The following KCND2 variants were observed in gnomAD, a reference collection of about 807,000 sequenced individuals.
KCND2 encodes the protein potassium voltage-gated channel subfamily D member 2, also known as A-type voltage-gated potassium channel KCND2.
Under a neutral mutation model 54.4 loss-of-function variants are expected in KCND2, and 16 were observed. The ratio of observed to expected loss-of-function variants is 0.29; its 90% CI spans 0.20 to 0.45. The LOEUF is 0.45. Ranked by LOEUF, KCND2 falls within the 20% of genes least tolerant of loss-of-function variation. The pLI is 1.00. For synonymous variants in KCND2, 317 were observed against 310.7 expected (o/e 1.02, Z -0.21); for missense variants, 486 against 824.2 (o/e 0.59, Z 5.02).
chr7:120,507,887 G>A (rs780737601), intron 1 of KCND2, among the ~76,000 whole-genome samples: 1 of 151,124 alleles, frequency 6.6e-6, no homozygotes, highest in African/African-American at 2.4e-5. Context: ...GATTTTTATG[G>A]CATTTCATAA....
intron 1 of KCND2, among the ~76,000 whole-genome samples, chr7:120,711,502 A>G (rs1158498561): frequency 2.6e-5 from 4 of 152,178 alleles, no homozygotes; most frequent in Non-Finnish European, 4.4e-5. Context: ...GTTGAAAGAT[A>G]ATATATTCCC....
At chr7:120,657,093 G>A (rs1181356729) in intron 1 of KCND2, among the ~76,000 whole-genome samples, 2 of 152,204 alleles carry the variant, frequency 1.3e-5, no homozygotes, top group Admixed American at 1.3e-4. Flanking sequence ...TGTTTTGGGG[G>A]AGTTATTCAT....
Position 120,553,406 on chromosome 7 carries a change from A to G in KCND2, c.1116-179497A>G, listed in dbSNP as rs540076888. On this transcript the variant is annotated intron_variant, in intron 1 of 5. Transcript: ENST00000331113. Reference sequence around the variant, plus strand: ...GATAGATAAAGAGACAAATAATCACATTTTTCTTATCCATTCATCCACTGA... The same window carrying G: ...GATAGATAAAGAGACAAATAATCACGTTTTTCTTATCCATTCATCCACTGA... Among the ~76,000 whole-genome samples the G allele has an allele frequency of 6.6e-5, 10 of 152,312 alleles. 1 individual carries two copies. In the South Asian group the frequency reaches 2.1e-3, roughly 32 times the overall value.
intron 1 of KCND2, among the ~76,000 whole-genome samples, chr7:120,308,457 A>G (rs1402458551): frequency 6.6e-6 from 1 of 152,172 alleles, no homozygotes; most frequent in Non-Finnish European, 1.5e-5. Context: ...GGATTTTACA[A>G]TTATTTTTAA....
intron 1 of KCND2, among the ~76,000 whole-genome samples, chr7:120,303,932 T>G (rs1799617366): frequency 6.6e-6 from 1 of 152,226 alleles, no homozygotes; most frequent in South Asian, 2.1e-4. Flanking sequence ...TTTAGCCACG[T>G]GACCAGCATA....
chr7:120,645,271 G>C (rs1793425006), intron 1 of KCND2, among the ~76,000 whole-genome samples: 1 of 152,082 alleles, frequency 6.6e-6, no homozygotes, highest in South Asian at 2.1e-4. Flanking sequence ...CACGTGTCTT[G>C]TGGCATGTTA....
At chr7:120,581,903 A>G (rs1023685095) in intron 1 of KCND2, among the ~76,000 whole-genome samples, 3 of 152,000 alleles carry the variant, frequency 2.0e-5, no homozygotes, top group Non-Finnish European at 4.4e-5. Context: ...TAATAGAGAC[A>G]GGGTTTCACC....
intron 1 of KCND2, among the ~76,000 whole-genome samples, chr7:120,556,144 T>C (rs1382690962): frequency 6.6e-6 from 1 of 152,152 alleles, no homozygotes; most frequent in Admixed American, 6.6e-5. Flanking sequence ...GAGATTGATA[T>C]TAGGTGAAAA....
chr7:120,663,789 C>T (rs1240376446), intron 1 of KCND2, among the ~76,000 whole-genome samples: 2 of 152,142 alleles, frequency 1.3e-5, no homozygotes, highest in Non-Finnish European at 2.9e-5. Flanking sequence ...GTAGTGAAAA[C>T]ATGCACCACG....
At chr7:120,332,492 T>A (rs1239437541) in intron 1 of KCND2, among the ~76,000 whole-genome samples, 1 of 152,114 alleles carries the variant, frequency 6.6e-6, no homozygotes, top group Non-Finnish European at 1.5e-5. Context: ...TTATTAAATG[T>A]AAGAAACCCA....
chr7:120,742,060 G>T (rs1792948352), intron 3 of KCND2, among the ~76,000 whole-genome samples: 1 of 152,106 alleles, frequency 6.6e-6, no homozygotes, highest in Non-Finnish European at 1.5e-5. Context: ...GTGTTAGGAA[G>T]ATCATATGGC....
intron 1 of KCND2, among the ~76,000 whole-genome samples, chr7:120,399,701 C>T (rs898628747): frequency 2.0e-5 from 3 of 148,318 alleles, no homozygotes; most frequent in Non-Finnish European, 4.5e-5. Context: ...TTATTTTTAC[C>T]TTATTTATTT....
chr7:120,321,991 A>G (rs1799898666), intron 1 of KCND2, among the ~76,000 whole-genome samples: 1 of 152,102 alleles, frequency 6.6e-6, no homozygotes, highest in Admixed American at 6.6e-5. Flanking sequence ...GGAAATTCCC[A>G]CAGAAATATC....
chr7:120,322,170 C>CT (rs1294978048), intron 1 of KCND2, among the ~76,000 whole-genome samples: 4 of 151,326 alleles, frequency 2.6e-5, no homozygotes, highest in East Asian at 3.9e-4. Flanking sequence ...AGTAAAAAAC[C>CT]TTTTTTTAAA....
intron 1 of KCND2, among the ~76,000 whole-genome samples, chr7:120,663,426 A>C (rs564667759): frequency 6.6e-6 from 1 of 152,312 alleles, no homozygotes; most frequent in South Asian, 2.1e-4. Context: ...TAGTCTTCCA[A>C]TTTTATGATG....
chr7:120,334,257 T>C (rs1800112071), intron 1 of KCND2, among the ~76,000 whole-genome samples: 1 of 152,142 alleles, frequency 6.6e-6, no homozygotes. Flanking sequence ...GTTGAGATGT[T>C]TGGGTTGCCA....
chr7:120,284,125 T>A (rs1348003325), intron 1 of KCND2, among the ~76,000 whole-genome samples: 2 of 151,980 alleles, frequency 1.3e-5, no homozygotes, highest in Non-Finnish European at 2.9e-5. Flanking sequence ...ATTGTGAAAA[T>A]AGTTTTTGAA....
At chr7:120,633,505 A>C (rs1793264470) in intron 1 of KCND2, among the ~76,000 whole-genome samples, 1 of 152,224 alleles carries the variant, frequency 6.6e-6, no homozygotes, top group Non-Finnish European at 1.5e-5. Flanking sequence ...TTGACAATAA[A>C]ATACAACCCG....
intron 1 of KCND2, among the ~76,000 whole-genome samples, chr7:120,504,062 G>C (rs1291198251): frequency 6.6e-6 from 1 of 151,930 alleles, no homozygotes; most frequent in African/African-American, 2.4e-5. Flanking sequence ...TGTTAGTTCA[G>C]ATCTTCAAGA....
Sources: allele counts gnomAD v4.1 joint callset (sites outside exome capture counted in the v4.1 genomes callset), GRCh38; gene constraint gnomAD v4.1.1; transcripts MANE v1.5; gene names NCBI Gene and HGNC (gene_info 2026-07-23, HGNC 2026-07-21).